The following RBL1 variants were observed in gnomAD, a reference collection of about 807,000 sequenced individuals.
The protein encoded by RBL1 is retinoblastoma-like protein 1.
In RBL1, 82 loss-of-function variants were observed where a neutral mutation model predicts 123.0. That is an observed-to-expected ratio of 0.67 (90% CI 0.56 to 0.80). The LOEUF (loss-of-function observed/expected upper bound fraction) is 0.80, where lower values mean the gene tolerates loss of function less well. RBL1 is among the 30% of genes least tolerant of loss of function. The pLI, the probability that RBL1 is intolerant of heterozygous loss-of-function variation, is 0.00. For synonymous variants in RBL1, 405 were observed against 441.3 expected, an observed-to-expected ratio of 0.92 and a Z score of 1.03; for missense variants, 1,171 against 1,299.6, an observed-to-expected ratio of 0.90 and a Z score of 1.52.
At chr20:37,085,233 A>T (rs1292249900) in intron 2 of RBL1, among the ~76,000 whole-genome samples, 1 of 151,518 alleles carries the variant, frequency 6.6e-6, no homozygotes, top group Non-Finnish European at 1.5e-5. Flanking sequence ...CCTGGGTTCA[A>T]GCAATTTTCC....
At chr20:37,001,636 G>A (rs2146195194) in intron 21 of RBL1, among the ~76,000 whole-genome samples, 1 of 149,672 alleles carries the variant, frequency 6.7e-6, no homozygotes, top group Non-Finnish European at 1.5e-5. Flanking sequence ...AAGGCTGCAG[G>A]GTCCTCTGCC....
At position 36,998,503 on chromosome 20, in the gene RBL1, C is replaced by A. The variant is rs565994616; in HGVS notation, c.*256G>T. 4 of 324,356 alleles carry A rather than the reference C, an allele frequency of 1.2e-5. No homozygotes were observed. The highest frequency in any genetic ancestry group is 1.7e-5 in the Non-Finnish European group (3 of 176,252). 20.1% of individuals were successfully genotyped at this position (324,356 alleles called of 1,614,324 possible). Reference sequence around the variant, plus strand: ...CCTCCCAAAGTCCTGGGATTACAGGCGTGAGCCACAGCGCCTGGCCGGACT... The same window carrying A: ...CCTCCCAAAGTCCTGGGATTACAGGAGTGAGCCACAGCGCCTGGCCGGACT... On this transcript the variant is annotated 3_prime_UTR_variant, in exon 22 of 22. Transcript: ENST00000373664.
At chr20:37,074,791 C>T (rs1257299486) in intron 2 of RBL1, among the ~76,000 whole-genome samples, 1 of 152,130 alleles carries the variant, frequency 6.6e-6, no homozygotes, top group African/African-American at 2.4e-5. Context: ...TGCCACTGCA[C>T]TCCAGCCTGG....
chr20:37,063,236 C>G (rs938888263), intron 7 of RBL1, among the ~76,000 whole-genome samples: 1 of 152,072 alleles, frequency 6.6e-6, no homozygotes, highest in Non-Finnish European at 1.5e-5. Flanking sequence ...TGCCACCATG[C>G]CCGGATAGTT....
At chr20:37,004,506 A>G (rs2064037991) in intron 20 of RBL1, among the ~76,000 whole-genome samples, 1 of 149,780 alleles carries the variant, frequency 6.7e-6, no homozygotes, top group African/African-American at 2.4e-5. Context: ...TGAGGTCAGG[A>G]GTTTGAGACC....
chr20:37,013,943 C>T (rs1600462559), intron 19 of RBL1, among the ~76,000 whole-genome samples: 2 of 152,118 alleles, frequency 1.3e-5, no homozygotes, highest in South Asian at 4.1e-4. Flanking sequence ...GTTTATAGAA[C>T]CAGAACTGTT....
At chr20:37,001,107 T>C (rs1251152851) in intron 21 of RBL1, among the ~76,000 whole-genome samples, 5 of 132,398 alleles carry the variant, frequency 3.8e-5, no homozygotes, top group African/African-American at 8.6e-5. Context: ...CCAGTCGCCC[T>C]GTCCCGGAGG....
intron 12 of RBL1, 143 bp downstream of exon 12, chr20:37,046,910 G>T: frequency 7.9e-7 from 1 of 1,259,716 alleles, no homozygotes; most frequent in Non-Finnish European, 1.0e-6. Context: ...ACCATGCCTA[G>T]CCAGGAATAT....
At chr20:37,085,776 CTCGAG>C (rs1228361682) in intron 2 of RBL1, among the ~76,000 whole-genome samples, 1 of 150,248 alleles carries the variant, frequency 6.7e-6, no homozygotes, top group Non-Finnish European at 1.5e-5. Flanking sequence ...ACCTCAGCCT[CTCGAG>C]TAGCTGGGAC....
At chr20:37,056,036 C>CAAA in intron 10 of RBL1, 110 bp downstream of exon 10, 2 of 1,106,518 alleles carry the variant, frequency 1.8e-6, no homozygotes, top group Non-Finnish European at 2.4e-6. Context: ...AACTCGGTCT[C>CAAA]AAAAAAAAAA....
intron 2 of RBL1, among the ~76,000 whole-genome samples, chr20:37,073,186 T>C (rs1027137772): frequency 6.6e-6 from 1 of 152,150 alleles, no homozygotes; most frequent in African/African-American, 2.4e-5. Flanking sequence ...ACTTGCTTTT[T>C]ATAAACAAGA....
At chr20:37,067,718 C>T (rs139333101) in intron 3 of RBL1, among the ~76,000 whole-genome samples, 1 of 137,298 alleles carries the variant, frequency 7.3e-6, no homozygotes. Flanking sequence ...TGCAGTGAGC[C>T]GAGATCAGGA....
intron 17 of RBL1, among the ~76,000 whole-genome samples, chr20:37,022,187 G>GT (rs1478363319): frequency 2.0e-5 from 3 of 152,126 alleles, no homozygotes; most frequent in Admixed American, 6.5e-5. Context: ...ACAAATGATT[G>GT]TATCAGATAT....
intron 19 of RBL1, among the ~76,000 whole-genome samples, chr20:37,013,397 CG>C (rs2064197039): frequency 6.6e-6 from 1 of 151,110 alleles, no homozygotes; most frequent in Middle Eastern, 3.2e-3. Flanking sequence ...GCAGCATGCT[CG>C]TTAAAAGTCA....
intron 5 of RBL1, 46 bp from the exon 6 acceptor site, chr20:37,066,930 A>G (rs1178081589): frequency 1.3e-6 from 2 of 1,596,502 alleles, no homozygotes; most frequent in Admixed American, 1.8e-5. Context: ...AAAATAGTCA[A>G]CTTTTAAAAA....
At chr20:37,068,463 G>T (rs1009148635) in intron 2 of RBL1, among the ~76,000 whole-genome samples, 1 of 151,856 alleles carries the variant, frequency 6.6e-6, no homozygotes, top group African/African-American at 2.4e-5. Flanking sequence ...TCCAGCCCGG[G>T]TGACAAAGCA....
At chr20:37,083,893 T>C (rs1427264578) in intron 2 of RBL1, among the ~76,000 whole-genome samples, 1 of 151,884 alleles carries the variant, frequency 6.6e-6, no homozygotes, top group East Asian at 1.9e-4. Flanking sequence ...TTCATAAGTT[T>C]GTAATTATTT....
intron 13 of RBL1, 48 bp from the exon 14 acceptor site, chr20:37,040,333 A>AT: frequency 1.3e-6 from 2 of 1,577,548 alleles, no homozygotes; most frequent in South Asian, 2.3e-5. Flanking sequence ...AAACTTGCTG[A>AT]TTAAAACTTA....
rs1435876479 is a variant in RBL1, at chr20:36,996,953, A to C, written c.*1806T>G. Reference sequence around the variant, plus strand: ...TGACCAAAATCCCTTTTCTTCTTAAAATTGAAAAATGAAATTCTTGAGAAT... The same window carrying C: ...TGACCAAAATCCCTTTTCTTCTTAACATTGAAAAATGAAATTCTTGAGAAT... On this transcript the variant is annotated 3_prime_UTR_variant, in exon 22 of 22. Transcript: ENST00000373664. 6.6e-6 allele frequency: 1 copy of C among 152,202 alleles called. No homozygotes were observed. The highest frequency in any genetic ancestry group is 1.5e-5 in the Non-Finnish European group (1 of 68,044). 9.4% of individuals were successfully genotyped at this position (152,202 alleles called of 1,614,324 possible).
Sources: gnomAD v4.1 joint callset for allele counts (sites outside exome capture counted in the v4.1 genomes callset) on GRCh38, gnomAD v4.1.1 for gene constraint, MANE v1.5 for transcripts, NCBI Gene and HGNC (gene_info 2026-07-23, HGNC 2026-07-21) for gene names.